The following SLX4IP variants were observed in gnomAD, a reference collection of about 807,000 sequenced individuals.
SLX4IP encodes protein SLX4IP.
A neutral mutation model predicts 32.9 loss-of-function variants in SLX4IP; 34 were observed. That is an observed-to-expected ratio of 1.03 (90% CI 0.79 to 1.38). SLX4IP has a LOEUF of 1.38. SLX4IP is among the 40% of genes most tolerant of loss of function. The pLI, the probability that SLX4IP is intolerant of heterozygous loss-of-function variation, is 0.00. For synonymous variants in SLX4IP, 172 were observed against 171.7 expected, an observed-to-expected ratio of 1.00 and a Z score of -0.01; for missense variants, 444 against 479.0, an observed-to-expected ratio of 0.93 and a Z score of 0.68.
chr20:10,505,814 T>G (rs1385884173), intron 2 of SLX4IP, among the ~76,000 whole-genome samples: 1 of 152,238 alleles, frequency 6.6e-6, no homozygotes, highest in East Asian at 1.9e-4. Context: ...TAATTCTTTT[T>G]TTTTTCAAAA....
Position 10,535,494 on chromosome 20 carries a change from G to A in SLX4IP, c.28-20737G>A, listed in dbSNP as rs575817118. ...GTGCCACCATGCCCAGCTAATTTTTGTATTTTTAGTAGAGATGGGGTTTCG... is the reference window on the plus strand; with the variant it reads ...GTGCCACCATGCCCAGCTAATTTTTATATTTTTAGTAGAGATGGGGTTTCG... On this transcript the variant is annotated intron_variant, in intron 2 of 7. Coordinates refer to ENST00000334534, the MANE Select transcript of SLX4IP (RefSeq NM_001009608.3). 2.3e-3 allele frequency among the ~76,000 whole-genome samples: 357 copies of A among 152,214 alleles called. 2 individuals are homozygous for A. Among genetic ancestry groups the A allele is most frequent in the Non-Finnish European group, 3.6e-3 (243 of 68,018 alleles).
intron 4 of SLX4IP, among the ~76,000 whole-genome samples, chr20:10,594,780 A>G (rs1335968354): frequency 1.3e-5 from 2 of 152,176 alleles, no homozygotes; most frequent in African/African-American, 4.8e-5. Flanking sequence ...GTTTATGAAG[A>G]CTGCAAATTT....
intron 1 of SLX4IP, among the ~76,000 whole-genome samples, chr20:10,436,622 T>C (rs1034763342): frequency 5.9e-5 from 9 of 152,210 alleles, no homozygotes; most frequent in African/African-American, 2.2e-4. Context: ...TCCAAAGTCC[T>C]GGGATCACAG....
chr20:10,513,848 A>G (rs1335147873), intron 2 of SLX4IP, among the ~76,000 whole-genome samples: 2 of 152,216 alleles, frequency 1.3e-5, no homozygotes, highest in East Asian at 1.9e-4. Context: ...TAGCGAGGAC[A>G]GTGGAGGGAG....
intron 4 of SLX4IP, among the ~76,000 whole-genome samples, chr20:10,577,049 A>G (rs2066531301): frequency 6.6e-6 from 1 of 152,192 alleles, no homozygotes; most frequent in African/African-American, 2.4e-5. Flanking sequence ...AGAAATTCTC[A>G]TTATTTACAA....
At chr20:10,446,880 C>T (rs1212582436) in intron 1 of SLX4IP, among the ~76,000 whole-genome samples, 3 of 135,588 alleles carry the variant, frequency 2.2e-5, no homozygotes, top group Non-Finnish European at 5.0e-5. Flanking sequence ...ATATGGATTG[C>T]AAATATTTTT....
chr20:10,447,454 A>G (rs888872812), intron 1 of SLX4IP, among the ~76,000 whole-genome samples: 5 of 151,948 alleles, frequency 3.3e-5, no homozygotes, highest in African/African-American at 1.2e-4. Context: ...TGTCTCGTAT[A>G]TATTTTTTTC....
At position 10,446,411 on chromosome 20, in the gene SLX4IP, CAA is replaced by C. The variant is rs36181096; in HGVS notation, c.-30+10978_-30+10979del. Among the ~76,000 whole-genome samples the C allele has an allele frequency of 8.6e-3, 971 of 112,370 alleles. 14 individuals carry two copies. The South Asian group carries it at 0.094, about 11-fold the overall frequency. The allele number at this position is 112,370 out of a possible 152,430, so 73.7% of individuals were successfully genotyped here. A position where few individuals can be genotyped will look rare whatever the true frequency, so the allele number is the denominator to read the frequency against. Reference sequence around the variant, plus strand: ...TGGGCAACAGAGTGCGACTCTGTCTCAAAAAAAAAAAAAAAAAAAAAGTTACT... The same window carrying C: ...TGGGCAACAGAGTGCGACTCTGTCTCAAAAAAAAAAAAAAAAAAAGTTACT... On this transcript the variant is annotated intron_variant, in intron 1 of 7. Coordinates refer to ENST00000334534, the MANE Select transcript of SLX4IP (RefSeq NM_001009608.3).
intron 2 of SLX4IP, among the ~76,000 whole-genome samples, chr20:10,520,057 CT>C (rs199927879): frequency 1.3e-5 from 2 of 150,536 alleles, no homozygotes; most frequent in South Asian, 4.2e-4. Flanking sequence ...TTTTTCTTTT[CT>C]TTTTTTTATT....
At chr20:10,570,735 G>T (rs575506457) in intron 4 of SLX4IP, among the ~76,000 whole-genome samples, 77 of 152,026 alleles carry the variant, frequency 5.1e-4, no homozygotes, top group African/African-American at 1.8e-3. Flanking sequence ...CGCCATGTTG[G>T]TCAGGCTGGT....
At chr20:10,481,157 A>G (rs1389583825) in intron 2 of SLX4IP, among the ~76,000 whole-genome samples, 1 of 152,142 alleles carries the variant, frequency 6.6e-6, no homozygotes, top group African/African-American at 2.4e-5. Context: ...TTTTTTAAAA[A>G]AGGTTTGTAT....
At chr20:10,512,778 C>CTATA (rs57942782) in intron 2 of SLX4IP, among the ~76,000 whole-genome samples, 745 of 24,580 alleles carry the variant, frequency 0.03, 12 homozygotes, top group East Asian at 0.07. Context: ...CACACACACT[C>CTATA]TATATATATA....
intron 4 of SLX4IP, among the ~76,000 whole-genome samples, chr20:10,576,234 G>A (rs2066521416): frequency 6.6e-6 from 1 of 152,028 alleles, no homozygotes; most frequent in Non-Finnish European, 1.5e-5. Flanking sequence ...TATAAACTGG[G>A]CAGGGGAATT....
intron 2 of SLX4IP, among the ~76,000 whole-genome samples, chr20:10,555,228 G>T (rs2066255243): frequency 6.6e-6 from 1 of 151,614 alleles, no homozygotes; most frequent in Admixed American, 6.6e-5. Flanking sequence ...TCCAGCCAAG[G>T]AAGTGAAAAA....
chr20:10,622,047 C>T (rs1269434466), intron 7 of SLX4IP, among the ~76,000 whole-genome samples: 6 of 152,164 alleles, frequency 3.9e-5, no homozygotes, highest in Non-Finnish European at 8.8e-5. Flanking sequence ...ACAGCTATAT[C>T]GACACTCTTT....
chr20:10,613,876 C>T (rs1401616899), intron 6 of SLX4IP: 35 of 1,538,176 alleles, frequency 2.3e-5, no homozygotes, highest in Non-Finnish European at 3.1e-5. Context: ...TTTTCAAAAG[C>T]TTGAACGTCC....
chr20:10,445,501 G>T (rs1221173192), intron 1 of SLX4IP, among the ~76,000 whole-genome samples: 3 of 151,454 alleles, frequency 2.0e-5, no homozygotes, highest in Non-Finnish European at 4.4e-5. Flanking sequence ...ATTTTTAGTA[G>T]AGATGGAGTT....
intron 2 of SLX4IP, among the ~76,000 whole-genome samples, chr20:10,535,941 A>C (rs901562850): frequency 1.7e-4 from 26 of 152,266 alleles, no homozygotes; most frequent in African/African-American, 5.5e-4. Context: ...AAGCCTGAAG[A>C]CCCTGAGCTA....
chr20:10,561,524 A>G (rs960635669), intron 4 of SLX4IP, among the ~76,000 whole-genome samples: 6 of 149,818 alleles, frequency 4.0e-5, no homozygotes, highest in Non-Finnish European at 5.9e-5. Flanking sequence ...TAATATGTCT[A>G]TATATCTATT....
Sources: allele counts gnomAD v4.1 joint callset (sites outside exome capture counted in the v4.1 genomes callset), GRCh38; gene constraint gnomAD v4.1.1; transcripts MANE v1.5; gene names NCBI Gene and HGNC (gene_info 2026-07-23, HGNC 2026-07-21).